Variants in GTSE1 observed in about 807,000 individuals in gnomAD.
GTSE1 encodes G2 and S-phase expressed 1.
In GTSE1, 52 loss-of-function variants were observed where a neutral mutation model predicts 60.5. The observed-to-expected ratio is 0.86, with a 90% CI of 0.69 to 1.08. The LOEUF (loss-of-function observed/expected upper bound fraction) is 1.08, where lower values mean the gene tolerates loss of function less well. Among genes scored for constraint, GTSE1 ranks in the 50% least tolerant of loss-of-function variants. The probability of loss-of-function intolerance (pLI) is 0.00; values close to 1 mark genes in which losing one functional copy is unlikely to be tolerated. For missense variants in GTSE1, 937 were observed against 961.8 expected, an observed-to-expected ratio of 0.97 and a Z score of 0.34; for synonymous variants, 368 against 386.5, an observed-to-expected ratio of 0.95 and a Z score of 0.56.
At chr22:46,299,745 C>A (rs1328424495) in intron 2 of GTSE1, among the ~76,000 whole-genome samples, 1 of 152,104 alleles carries the variant, frequency 6.6e-6, no homozygotes, top group Non-Finnish European at 1.5e-5. Flanking sequence ...AGTAACGTCA[C>A]CTTTTAAAAA....
At chr22:46,315,011 C>A (rs1202048223) in intron 6 of GTSE1, among the ~76,000 whole-genome samples, 1 of 151,884 alleles carries the variant, frequency 6.6e-6, no homozygotes, top group Non-Finnish European at 1.5e-5. Context: ...ACCTCAGCCT[C>A]CTGAGTAGCT....
At position 46,318,643 on chromosome 22, in the gene GTSE1, G is replaced by A. The variant is rs1039636624; in HGVS notation, c.1432+2231G>A. Among the ~76,000 whole-genome samples the A allele has an allele frequency of 4.6e-5, 7 of 152,090 alleles. No individual in the cohort carries two copies. The highest frequency in any genetic ancestry group is 9.7e-5 in the African/African-American group (4 of 41,400). ...TCTGAACCAGGAGACTGAGGCAGCC[G>A]GTAGGAAAGTGCAAGGGGGAGCACT... On this transcript the variant is annotated intron_variant, in intron 7 of 11. Transcript: ENST00000454366. The surrounding 1 kb of genome is among the most constrained non-coding windows in gnomAD (Gnocchi z 4.8).
Position 46,319,494 on chromosome 22 carries a change from ACCTGGGTGCTG to A in GTSE1, c.1432+3085_1432+3095del, listed in dbSNP as rs2077800053. Among the ~76,000 whole-genome samples the A allele has an allele frequency of 1.3e-5, 2 of 152,086 alleles. No homozygotes were observed. The highest frequency in any genetic ancestry group is 6.6e-5 in the Admixed American group (1 of 15,266). ...CGAGTGTCCCTGAGGTTCTGGCGGA[ACCTGGGTGCTG>A]CCACTCATGTGACAGGAGGGCTGGA... On this transcript the variant is annotated intron_variant, in intron 7 of 11. Coordinates refer to ENST00000454366, the MANE Select transcript of GTSE1 (RefSeq NM_016426.7). The surrounding 1 kb of genome is among the most constrained non-coding windows in gnomAD (Gnocchi z 5.0).
rs2077791717 is a variant in GTSE1, at chr22:46,318,115, C to T, written c.1432+1703C>T. On this transcript the variant is annotated intron_variant, in intron 7 of 11. Coordinates refer to ENST00000454366, the MANE Select transcript of GTSE1 (RefSeq NM_016426.7). The surrounding 1 kb of genome is among the most constrained non-coding windows in gnomAD (Gnocchi z 4.8). ...CTGCCTTCTCCAGTCAGTGAGGCCA[C>T]TGGCCCCAGCAGGTGTCTGGCCATT... Among the ~76,000 whole-genome samples the T allele has an allele frequency of 6.6e-6, 1 of 152,260 alleles. No individual in the cohort carries two copies. The highest frequency in any genetic ancestry group is 2.1e-4 in the South Asian group (1 of 4,838).
chr22:46,316,112 C>T lies in GTSE1; in HGVS notation c.1132C>T (p.Pro378Ser), dbSNP rs2077777902. The change falls in exon 7 of 12, where the codon CCC (proline) becomes TCC (serine). Residue 378 changes from proline (P) to serine (S), a missense_variant. Physicochemically the swap from Pro to Ser is moderately conservative, Grantham distance 74 (BLOSUM62 -1). Coordinates refer to ENST00000454366, the MANE Select transcript of GTSE1 (RefSeq NM_016426.7). This position sits in a 1 kb window ranked among gnomAD's most constrained non-coding sequence, Gnocchi z 5.0. ...CATCAGCAAGTCAGGCAGAATGGGA[C>T]CCGCCATGCTGCGGCCAGCTCTGCC... ...SNISKSGRMG[P>S]AMLRPALPAG... The T allele has an allele frequency of 4.4e-6, 7 of 1,581,708 alleles. No individual in the cohort carries two copies. Among genetic ancestry groups the T allele is most frequent in the Non-Finnish European group, 6.0e-6 (7 of 1,161,166 alleles).
chr22:46,309,427 A>G lies in GTSE1; in HGVS notation c.762+484A>G, dbSNP rs1049861034. Among the ~76,000 whole-genome samples, 4 of 151,996 alleles carry G rather than the reference A, an allele frequency of 2.6e-5. No homozygotes were observed. Among genetic ancestry groups the G allele is most frequent in the African/African-American group, 9.7e-5 (4 of 41,392 alleles). On this transcript the variant is annotated intron_variant, in intron 4 of 11. Coordinates refer to ENST00000454366, the MANE Select transcript of GTSE1 (RefSeq NM_016426.7). This position sits in a 1 kb window ranked among gnomAD's most constrained non-coding sequence, Gnocchi z 6.2. ...TGAGGGTCCTGGAGGTCTGGGGGAA[A>G]GCTGGGTGTGAGCACAGGACTTGCT...
chr22:46,328,825 A>G lies in GTSE1; in HGVS notation c.1862A>G (p.Lys621Arg). 4 of 1,614,060 alleles carry G rather than the reference A, an allele frequency of 2.5e-6. No individual in the cohort carries two copies. Among genetic ancestry groups the G allele is most frequent in the Non-Finnish European group, 3.4e-6 (4 of 1,180,000 alleles). ...SPEESDSTFS[K>R]STATEVAREE... ...GAGGAAAGCGATTCTACTTTCTCCAAAAGTACTGCCACAGAAGTAGCTCGG... is the reference window on the plus strand; with the variant it reads ...GAGGAAAGCGATTCTACTTTCTCCAGAAGTACTGCCACAGAAGTAGCTCGG... The change falls in exon 10 of 12, where the codon AAA (lysine) becomes AGA (arginine). Residue 621 changes from lysine (K) to arginine (R), a missense_variant. Coordinates refer to ENST00000454366, the MANE Select transcript of GTSE1 (RefSeq NM_016426.7).
intron 7 of GTSE1, 49 bp from the exon 8 acceptor site, chr22:46,323,141 C>T (rs1336017283): frequency 8.3e-7 from 1 of 1,203,188 alleles, no homozygotes; most frequent in African/African-American, 1.5e-5. Flanking sequence ...AACAGTAGGT[C>T]TCCCCCTGAT....
Position 46,330,379 on chromosome 22 carries a change from G to T in GTSE1, c.*249G>T. 2.5e-6 allele frequency: 1 copy of T among 396,876 alleles called. No individual in the cohort carries two copies. 24.6% of individuals were successfully genotyped at this position (396,876 alleles called of 1,614,324 possible). A position where few individuals can be genotyped will look rare whatever the true frequency, so the allele number is the denominator to read the frequency against. ...TGCCTGTAGTCCCAGCTACTTGGGA[G>T]GCTGAAGTGGGAGGATGGCCTGAGC... is the stretch of plus-strand genomic sequence containing the variant. On this transcript the variant is annotated 3_prime_UTR_variant, in exon 12 of 12. Coordinates refer to ENST00000454366, the MANE Select transcript of GTSE1 (RefSeq NM_016426.7). The surrounding 1 kb of genome is among the most constrained non-coding windows in gnomAD (Gnocchi z 6.0).
At chr22:46,322,258 A>G (rs1302123112) in intron 7 of GTSE1, among the ~76,000 whole-genome samples, 1 of 151,860 alleles carries the variant, frequency 6.6e-6, no homozygotes, top group Admixed American at 6.6e-5. Context: ...GTTGCCAGAG[A>G]GAGGGGCTGT....
At position 46,310,836 on chromosome 22, in the gene GTSE1, A is replaced by G. The variant is rs566405091; in HGVS notation, c.763-1305A>G. On this transcript the variant is annotated intron_variant, in intron 4 of 11. Transcript: ENST00000454366. The surrounding 1 kb of genome is among the most constrained non-coding windows in gnomAD (Gnocchi z 4.4). The stretch of plus-strand genomic sequence containing the variant: ...TCCCAGCTACTTGGGAGGCTGAGGC[A>G]GGAGAATCGCCTGAACCCAGGAGGT... Among the ~76,000 whole-genome samples the G allele has an allele frequency of 6.6e-6, 1 of 152,318 alleles. No individual in the cohort carries two copies. The highest frequency in any genetic ancestry group is 1.5e-5 in the Non-Finnish European group (1 of 68,022).
intron 8 of GTSE1, 42 bp from the exon 9 acceptor site, chr22:46,326,394 C>T (rs370334632): frequency 6.7e-7 from 1 of 1,485,142 alleles, no homozygotes; most frequent in African/African-American, 1.4e-5. Flanking sequence ...CTTACTTTTT[C>T]TATGTCATCT....
rs767747754 is a variant in GTSE1 at position 46,319,019 on chromosome 22, C to T, written c.1432+2607C>T. Among the ~76,000 whole-genome samples, 13 of 152,148 alleles carry T rather than the reference C, an allele frequency of 8.5e-5. No homozygotes were observed. Among genetic ancestry groups the T allele is most frequent in the Non-Finnish European group, 1.5e-4 (10 of 68,020 alleles). ...GACTCCGTTTGTGTCCCATTGAGTA[C>T]GACGCTTCCCTGCACAGGATGCTAG... On this transcript the variant is annotated intron_variant, in intron 7 of 11. Transcript: ENST00000454366. The surrounding 1 kb of genome is among the most constrained non-coding windows in gnomAD (Gnocchi z 5.0).
chr22:46,329,359 C>T lies in GTSE1; in HGVS notation c.1928C>T (p.Ala643Val), dbSNP rs776118810. 42 of 1,612,296 alleles carry T rather than the reference C, an allele frequency of 2.6e-5. No homozygotes were observed. The highest frequency in any genetic ancestry group is 3.6e-5 in the Non-Finnish European group (42 of 1,178,466). ...TCTTAACCTTGGTTTTGTACCCAGG[C>T]TCTTCTTGTAGATATCAAACTGGAA... Reference protein sequence around the residue: ...KPGGDAAPSEALLVDIKLEPL... With the variant: ...KPGGDAAPSEVLLVDIKLEPL... Residue 643 changes from alanine (A) to valine (V), a missense_variant and splice_region_variant, in exon 11 of 12, where the codon GCT (alanine) becomes GTT (valine). By Grantham distance (64) the Ala-to-Val change is moderately conservative. Coordinates refer to ENST00000454366, the MANE Select transcript of GTSE1 (RefSeq NM_016426.7). This position sits in a 1 kb window ranked among gnomAD's most constrained non-coding sequence, Gnocchi z 6.4.
rs1183136284 is a variant in GTSE1, at chr22:46,303,895, TC to T, written c.80-4253del. Reference sequence around the variant, plus strand: ...TTCCTGCCATGGAGACGAGCGGTGTTCCTGATGGTGGAGGCTCCATCAGTTG... The same window carrying T: ...TTCCTGCCATGGAGACGAGCGGTGTTCTGATGGTGGAGGCTCCATCAGTTG... On this transcript the variant is annotated intron_variant, in intron 2 of 11. Transcript: ENST00000454366. Among the ~76,000 whole-genome samples the T allele has an allele frequency of 5.9e-5, 9 of 152,288 alleles. No individual in the cohort carries two copies. The East Asian group carries it at 1.7e-3, about 29-fold the overall frequency.
In GTSE1 at chr22:46,304,358, T is replaced by C. The variant is rs139370762; in HGVS notation, c.80-3792T>C. Among the ~76,000 whole-genome samples, 89 of 152,314 alleles carry C rather than the reference T, an allele frequency of 5.8e-4. No homozygotes were observed. Among genetic ancestry groups the C allele is most frequent in the Non-Finnish European group, 9.3e-4 (63 of 68,028 alleles). On this transcript the variant is annotated intron_variant, in intron 2 of 11. Coordinates refer to ENST00000454366, the MANE Select transcript of GTSE1 (RefSeq NM_016426.7). This position sits in a 1 kb window ranked among gnomAD's most constrained non-coding sequence, Gnocchi z 4.4. ...ATCCTAACTGGTAAGATCAATTTGT[T>C]CCTGTCTTTAGAAGGAATACTTCTG...
chr22:46,321,747 T>G lies in GTSE1; in HGVS notation c.1433-1443T>G, dbSNP rs1187132031. Among the ~76,000 whole-genome samples the G allele has an allele frequency of 6.6e-6, 1 of 152,166 alleles. No individual in the cohort carries two copies. On this transcript the variant is annotated intron_variant, in intron 7 of 11. Coordinates refer to ENST00000454366, the MANE Select transcript of GTSE1 (RefSeq NM_016426.7). This position sits in a 1 kb window ranked among gnomAD's most constrained non-coding sequence, Gnocchi z 4.0. ...AATTTTAACCTTCATTTTTAAAAAC[T>G]GTGCATGAGTCACTTTGATAGAGGT...
Position 46,320,594 on chromosome 22 carries a change from C to T in GTSE1, c.1433-2596C>T, listed in dbSNP as rs1269481890. Among the ~76,000 whole-genome samples the T allele has an allele frequency of 6.6e-6, 1 of 152,224 alleles. No individual in the cohort carries two copies. The highest frequency in any genetic ancestry group is 2.4e-5 in the African/African-American group (1 of 41,448). On this transcript the variant is annotated intron_variant, in intron 7 of 11. Coordinates refer to ENST00000454366, the MANE Select transcript of GTSE1 (RefSeq NM_016426.7). The surrounding 1 kb of genome is among the most constrained non-coding windows in gnomAD (Gnocchi z 7.1). ...CACTCACAGCGTGGGACCACATGAA[C>T]GGTGCCCTGTAGTGGAGGCTTTCAT...
At chr22:46,300,122 G>A (rs369978209) in intron 2 of GTSE1, among the ~76,000 whole-genome samples, 1 of 144,600 alleles carries the variant, frequency 6.9e-6, no homozygotes, top group Non-Finnish European at 1.5e-5. Context: ...TTTTTGAGAT[G>A]GAGTCTCGTT....
Sources: allele counts gnomAD v4.1 joint callset (sites outside exome capture counted in the v4.1 genomes callset), GRCh38; gene constraint gnomAD v4.1.1; non-coding constraint Gnocchi (gnomAD v3.1); transcripts MANE v1.5; gene names NCBI Gene and HGNC (gene_info 2026-07-23, HGNC 2026-07-21).